The following SP100 variants were observed in gnomAD, a reference collection of about 807,000 sequenced individuals.
SP100 encodes the protein nuclear autoantigen Sp-100.
Under a neutral mutation model 130.0 loss-of-function variants are expected in SP100, and 84 were observed. That is an observed-to-expected ratio of 0.65 (90% CI 0.54 to 0.77). The LOEUF (loss-of-function observed/expected upper bound fraction) is 0.77, where lower values mean the gene tolerates loss of function less well. SP100 is among the 30% of genes least tolerant of loss of function. SP100 has a pLI of 0.00. For synonymous variants in SP100, 331 were observed against 351.7 expected (o/e 0.94, Z 0.66); for missense variants, 978 against 1,052.2 (o/e 0.93, Z 0.97).
chr2:230,416,286 A>C lies in SP100; in HGVS notation c.-11A>C. ...AGGCTCTGAGGCCCACGCAGGGCCTAGGGTGGGAAGATGGCAGGTGGGGGC... is the reference window on the plus strand; with the variant it reads ...AGGCTCTGAGGCCCACGCAGGGCCTCGGGTGGGAAGATGGCAGGTGGGGGC... On this transcript the variant is annotated 5_prime_UTR_variant, in exon 1 of 29. Transcript: ENST00000340126. 1 of 1,612,480 alleles carries C rather than the reference A, an allele frequency of 6.2e-7. No individual in the cohort carries two copies. The highest frequency in any genetic ancestry group is 8.5e-7 in the Non-Finnish European group (1 of 1,178,800).
chr2:230,516,582 G>C (rs1358789391), intron 24 of SP100: 1 of 152,170 alleles, frequency 6.6e-6, no homozygotes, highest in Non-Finnish European at 1.5e-5. Context: ...TCTTCATGAA[G>C]ACATCAGTTT....
At chr2:230,512,913 C>T (rs375788476) in intron 24 of SP100, among the ~76,000 whole-genome samples, 23 of 152,108 alleles carry the variant, frequency 1.5e-4, no homozygotes, top group East Asian at 1.2e-3. Flanking sequence ...AAAAGAAGCA[C>T]GCAACCTGGA....
chr2:230,451,914 C>T (rs1197842500), intron 8 of SP100, among the ~76,000 whole-genome samples: 1 of 152,224 alleles, frequency 6.6e-6, no homozygotes, highest in Non-Finnish European at 1.5e-5. Context: ...TTACCCATTG[C>T]ATATTCTTGG....
chr2:230,463,596 T>C (rs1010422441), intron 10 of SP100: 3 of 152,962 alleles, frequency 2.0e-5, no homozygotes, highest in African/African-American at 7.2e-5. Context: ...TACTCTAACT[T>C]TGAACTTAGT....
chr2:230,514,435 T>C (rs975107294), intron 24 of SP100, among the ~76,000 whole-genome samples: 1 of 152,226 alleles, frequency 6.6e-6, no homozygotes, highest in Non-Finnish European at 1.5e-5. Flanking sequence ...AGAGACTTAT[T>C]ATAGCCAGGA....
At chr2:230,450,359 T>G (rs2063914577) in intron 8 of SP100, 104 bp downstream of exon 8, 4 of 743,480 alleles carry the variant, frequency 5.4e-6, no homozygotes, top group African/African-American at 1.8e-5. Flanking sequence ...TAACCACTTT[T>G]TAAAATTACC....
At chr2:230,435,373 T>C (rs939647684) in intron 2 of SP100, among the ~76,000 whole-genome samples, 2 of 152,210 alleles carry the variant, frequency 1.3e-5, no homozygotes, top group Non-Finnish European at 2.9e-5. Flanking sequence ...ATATCAGATA[T>C]ATTAACCCTT....
At chr2:230,528,057 C>T (rs1232984520) in intron 24 of SP100, among the ~76,000 whole-genome samples, 1 of 152,192 alleles carries the variant, frequency 6.6e-6, no homozygotes, top group Admixed American at 6.5e-5. Context: ...AGGACTTGAA[C>T]TCAGCTCTGG....
chr2:230,501,868 C>T (rs1301572776), intron 19 of SP100, among the ~76,000 whole-genome samples: 6 of 151,914 alleles, frequency 3.9e-5, no homozygotes, highest in Admixed American at 3.3e-4. Context: ...TACATGCTTC[C>T]AAGATTTGTT....
rs987891030 is a variant in SP100, at chr2:230,543,931, A to T, written c.*985A>T. On this transcript the variant is annotated 3_prime_UTR_variant, in exon 29 of 29. Coordinates refer to ENST00000340126, the MANE Select transcript of SP100 (RefSeq NM_001080391.2). ...CTATATTACAGGGCTTCAGTAACCA[A>T]AACAGCATGGTACTGGTACCAAAAA... 6.6e-5 allele frequency: 10 copies of T among 152,226 alleles called. No homozygotes were observed. Among genetic ancestry groups the T allele is most frequent in the African/African-American group, 2.4e-4 (10 of 41,448 alleles). 9.4% of individuals were successfully genotyped at this position (152,226 alleles called of 1,614,324 possible).
chr2:230,511,188 T>C (rs1463674517), intron 24 of SP100, 22 bp downstream of exon 24: 3 of 1,572,698 alleles, frequency 1.9e-6, no homozygotes, highest in Admixed American at 1.7e-5. Flanking sequence ...TTTCCGACTA[T>C]GACCCCAAAA....
At position 230,478,009 on chromosome 2, in the gene SP100, A is replaced by G. The variant is rs750702413; in HGVS notation, c.1600+3562A>G. 4.0e-5 allele frequency among the ~76,000 whole-genome samples: 6 copies of G among 149,936 alleles called. No individual in the cohort carries two copies. The South Asian group carries it at 8.5e-4, about 21-fold the overall frequency. On this transcript the variant is annotated intron_variant, in intron 17 of 28. Coordinates refer to ENST00000340126, the MANE Select transcript of SP100 (RefSeq NM_001080391.2). The stretch of plus-strand genomic sequence containing the variant: ...GAAGAACAGAGACTTTTACTCTTTT[A>G]TTCATGTCTTATGTAATGTTCTTCC...
At chr2:230,485,344 C>A (rs2066025288) in intron 17 of SP100, among the ~76,000 whole-genome samples, 1 of 152,096 alleles carries the variant, frequency 6.6e-6, no homozygotes, top group South Asian at 2.1e-4. Flanking sequence ...TGCTAAATAT[C>A]CTGCAATTTG....
intron 6 of SP100, 110 bp from the exon 7 acceptor site, chr2:230,449,451 C>T (rs868546376): frequency 9.8e-6 from 12 of 1,229,724 alleles, no homozygotes; most frequent in South Asian, 3.7e-5. Flanking sequence ...CTGGCTGTTG[C>T]CTTGGTGCCT....
chr2:230,481,240 G>A (rs192417483), intron 17 of SP100, among the ~76,000 whole-genome samples: 34 of 152,110 alleles, frequency 2.2e-4, no homozygotes, highest in East Asian at 7.7e-4. Flanking sequence ...CCTCAACTGC[G>A]AAGTCATAAA....
rs185603275 is a variant in SP100, at chr2:230,531,369, G to A, written c.2095-7898G>A. The stretch of plus-strand genomic sequence containing the variant: ...TCACTCATAGGTGGAGTTGAATAAT[G>A]AGAACACATGGACACAGGGCGGGGA... On this transcript the variant is annotated intron_variant, in intron 24 of 28. Coordinates refer to ENST00000340126, the MANE Select transcript of SP100 (RefSeq NM_001080391.2). Among the ~76,000 whole-genome samples the A allele has an allele frequency of 2.4e-3, 365 of 151,332 alleles. 1 individual carries two copies. Among genetic ancestry groups the A allele is most frequent in the African/African-American group, 8.6e-3 (355 of 41,150 alleles).
At chr2:230,456,926 T>C (rs966757508) in intron 8 of SP100, among the ~76,000 whole-genome samples, 36 of 152,236 alleles carry the variant, frequency 2.4e-4, no homozygotes, top group African/African-American at 8.7e-4. Context: ...CTTTGGGGTC[T>C]GCTATGGGGA....
chr2:230,476,371 T>A (rs943628883), intron 17 of SP100, among the ~76,000 whole-genome samples: 3 of 152,228 alleles, frequency 2.0e-5, no homozygotes, highest in Non-Finnish European at 4.4e-5. Context: ...TGCTACTGAT[T>A]TTTATGCATC....
At chr2:230,522,254 TTG>T (rs1691206090) in intron 24 of SP100, among the ~76,000 whole-genome samples, 2 of 152,048 alleles carry the variant, frequency 1.3e-5, no homozygotes, top group Admixed American at 6.6e-5. Context: ...GTTTTGGTGA[TTG>T]TGTGTGTGTT....
Sources: gnomAD v4.1 joint callset for allele counts (sites outside exome capture counted in the v4.1 genomes callset) on GRCh38, gnomAD v4.1.1 for gene constraint, MANE v1.5 for transcripts, NCBI Gene and HGNC (gene_info 2026-07-23, HGNC 2026-07-21) for gene names.